Variants in TANC1 observed in about 807,000 individuals in gnomAD.
The protein encoded by TANC1 is tetratricopeptide repeat, ankyrin repeat and coiled-coil containing 1, also known as protein TANC1.
In TANC1, 77 loss-of-function variants were observed where a neutral mutation model predicts 149.7. The observed-to-expected ratio is 0.51, with a 90% CI of 0.43 to 0.62. TANC1 has a LOEUF of 0.62. TANC1 is among the 20% of genes least tolerant of loss of function. The pLI is 0.00. For missense variants in TANC1, 1,985 were observed against 2,321.8 expected (o/e 0.85, Z 2.98); for synonymous variants, 854 against 925.0 (o/e 0.92, Z 1.39).
intron 2 of TANC1, among the ~76,000 whole-genome samples, chr2:159,022,153 G>A (rs1479945611): frequency 6.6e-6 from 1 of 152,192 alleles, no homozygotes; most frequent in East Asian, 1.9e-4. Context: ...CGCTGTTGAA[G>A]GCTGATGGAG....
chr2:158,972,754 T>C (rs1458367511), intron 1 of TANC1, among the ~76,000 whole-genome samples: 1 of 152,122 alleles, frequency 6.6e-6, no homozygotes, highest in African/African-American at 2.4e-5. Flanking sequence ...GAAGGAGGTG[T>C]AGTATATCTG....
intron 16 of TANC1, among the ~76,000 whole-genome samples, chr2:159,193,247 A>T (rs2057592257): frequency 6.6e-6 from 1 of 152,160 alleles, no homozygotes; most frequent in Non-Finnish European, 1.5e-5. Context: ...GGCTTGCTTC[A>T]CTTATTTCAC....
chr2:159,050,554 AG>A (rs1398406489), intron 2 of TANC1, among the ~76,000 whole-genome samples: 7 of 152,220 alleles, frequency 4.6e-5, no homozygotes, highest in Non-Finnish European at 8.8e-5. Context: ...TTTCTTGCAA[AG>A]GAAGAAGTGG....
At chr2:158,969,226 G>C (rs1296464788) in intron 1 of TANC1, among the ~76,000 whole-genome samples, 2 of 152,156 alleles carry the variant, frequency 1.3e-5, no homozygotes, top group Non-Finnish European at 2.9e-5. Flanking sequence ...TGGCGCGGGG[G>C]AGGCGGGGGG....
chr2:158,972,790 G>C (rs2033090725), intron 1 of TANC1, among the ~76,000 whole-genome samples: 1 of 152,222 alleles, frequency 6.6e-6, no homozygotes, highest in African/African-American at 2.4e-5. Flanking sequence ...CCATGAGTGA[G>C]AGAAGAGAAC....
At chr2:159,099,769 T>G (rs2046489083) in intron 4 of TANC1, among the ~76,000 whole-genome samples, 1 of 150,920 alleles carries the variant, frequency 6.6e-6, no homozygotes, top group African/African-American at 2.4e-5. Flanking sequence ...CTACCCCTGA[T>G]GTTGCCTCTT....
intron 2 of TANC1, among the ~76,000 whole-genome samples, chr2:159,063,297 G>A (rs1322283860): frequency 1.3e-5 from 2 of 152,204 alleles, no homozygotes; most frequent in Admixed American, 6.5e-5. Flanking sequence ...ATACCAGATA[G>A]TCTTCTCTGG....
chr2:159,009,810 G>A (rs1203440882), intron 2 of TANC1, among the ~76,000 whole-genome samples: 1 of 151,864 alleles, frequency 6.6e-6, no homozygotes, highest in Non-Finnish European at 1.5e-5. Context: ...TAATTATCCT[G>A]ATTTGATCAC....
Position 159,178,430 on chromosome 2 carries a change from A to G in TANC1, c.1903-126A>G, listed in dbSNP as rs1488692645. 1.8e-6 allele frequency: 2 copies of G among 1,126,976 alleles called. 1 individual carries two copies. Among genetic ancestry groups the G allele is most frequent in the East Asian group, 4.9e-5 (2 of 41,028 alleles). The allele number at this position is 1,126,976 out of a possible 1,614,324, so 69.8% of individuals were successfully genotyped here. Reference sequence around the variant, plus strand: ...CCTATTACACGTTTTAATACAAAACAATGAGTCCCTGTAATCCATGAAAAT... The same window carrying G: ...CCTATTACACGTTTTAATACAAAACGATGAGTCCCTGTAATCCATGAAAAT... On this transcript the variant is annotated intron_variant, in intron 13 of 26. Coordinates refer to ENST00000263635, the MANE Select transcript of TANC1 (RefSeq NM_033394.3).
chr2:159,185,837 A>C lies in TANC1; in HGVS notation c.2557A>C (p.Lys853Gln), dbSNP rs748688920. Reference protein sequence around the residue: ...LAFMFSRQEGKLNRQQTMELG... With the variant: ...LAFMFSRQEGQLNRQQTMELG... ...ATTCATGTTCTCGCGTCAGGAGGGC[A>C]AGTTGAACCGCCAGCAGACCATGGA... The change falls in exon 15 of 27, where the codon AAG becomes CAG. Residue 853 changes from lysine to glutamine, a missense_variant. Lys to Gln is a moderately conservative substitution (Grantham distance 53, BLOSUM62 1). This residue lies in a region of TANC1 where 508 missense variants were observed against 714.2 expected (regional missense o/e 0.71). Transcript: ENST00000263635. 1.9e-6 allele frequency: 3 copies of C among 1,614,162 alleles called. No homozygotes were observed. Among genetic ancestry groups the C allele is most frequent in the South Asian group, 2.2e-5 (2 of 91,072 alleles).
chr2:159,143,351 A>G (rs1188160133), intron 5 of TANC1, among the ~76,000 whole-genome samples: 1 of 152,074 alleles, frequency 6.6e-6, no homozygotes, highest in Non-Finnish European at 1.5e-5. Flanking sequence ...TTGCATGGGT[A>G]AAAGATCCAT....
At chr2:159,179,861 A>G (rs2056295241) in intron 14 of TANC1, among the ~76,000 whole-genome samples, 1 of 152,196 alleles carries the variant, frequency 6.6e-6, no homozygotes, top group African/African-American at 2.4e-5. Context: ...TTGAGGATGC[A>G]GATGCGTTCA....
At chr2:159,155,743 A>G (rs1305676316) in intron 7 of TANC1, among the ~76,000 whole-genome samples, 1 of 152,254 alleles carries the variant, frequency 6.6e-6, no homozygotes, top group Admixed American at 6.5e-5. Flanking sequence ...GCAGAGAGGC[A>G]GGTATGCATT....
intron 19 of TANC1, among the ~76,000 whole-genome samples, chr2:159,205,871 A>G (rs993111331): frequency 6.6e-6 from 1 of 152,234 alleles, no homozygotes; most frequent in African/African-American, 2.4e-5. Context: ...CATGTGGAGA[A>G]TATGTGTTAC....
rs765692091 is a variant in TANC1 at position 159,187,009 on chromosome 2, T to C, written c.2727T>C (p.Tyr909=). ...SAALASLRNL[Y]TPNVKVSRLL... ...CCCTGGCCTCTCTCAGGAATCTCTA[T>C]ACTCCCAACGTGAAGGTGAGCAACC... The change falls in exon 16 of 27, where the codon TAT becomes TAC. Residue 909 remains tyrosine (Y), a synonymous_variant. Coordinates refer to ENST00000263635, the MANE Select transcript of TANC1 (RefSeq NM_033394.3). The C allele has an allele frequency of 6.2e-7, 1 of 1,614,190 alleles. No individual in the cohort carries two copies. The highest frequency in any genetic ancestry group is 1.1e-5 in the South Asian group (1 of 91,076).
chr2:159,017,570 T>C (rs1211322658), intron 2 of TANC1, among the ~76,000 whole-genome samples: 1 of 152,106 alleles, frequency 6.6e-6, no homozygotes, highest in African/African-American at 2.4e-5. Flanking sequence ...TATACCTGTT[T>C]TGTGTGTGTG....
rs141420076 is a variant in TANC1, at chr2:159,109,095, G to C, written c.259+11261G>C. 1.9e-4 allele frequency among the ~76,000 whole-genome samples: 29 copies of C among 152,276 alleles called. No individual in the cohort carries two copies. In the South Asian group the frequency reaches 2.3e-3, roughly 12 times the overall value. ...AGTACAGCTAATGAGCTGACCTTTC[G>C]AAGAGGCTAGGAGAGTAAGTTCACC... On this transcript the variant is annotated intron_variant, in intron 4 of 26. Transcript: ENST00000263635.
chr2:159,197,750 C>T (rs891368512), intron 18 of TANC1, among the ~76,000 whole-genome samples: 1 of 152,082 alleles, frequency 6.6e-6, no homozygotes, highest in African/African-American at 2.4e-5. Flanking sequence ...TCCATGCTAA[C>T]CCCCTTGTTT....
intron 4 of TANC1, among the ~76,000 whole-genome samples, chr2:159,131,360 G>A (rs546634561): frequency 6.6e-6 from 1 of 152,210 alleles, no homozygotes; most frequent in African/African-American, 2.4e-5. Flanking sequence ...GGATGTTCCA[G>A]GCTTAAGAAA....
Sources: allele counts gnomAD v4.1 joint callset (sites outside exome capture counted in the v4.1 genomes callset), GRCh38; gene constraint gnomAD v4.1.1; regional missense constraint gnomAD v4.1.1; transcripts MANE v1.5; gene names NCBI Gene and HGNC (gene_info 2026-07-23, HGNC 2026-07-21).